The following ATP8A2 variants were observed in gnomAD, a reference collection of about 807,000 sequenced individuals.
The protein encoded by ATP8A2 is phospholipid-transporting ATPase IB.
Under a neutral mutation model 165.6 loss-of-function variants are expected in ATP8A2, and 100 were observed. That is an observed-to-expected ratio of 0.60 (90% CI 0.51 to 0.71). ATP8A2 has a LOEUF of 0.71. ATP8A2 is among the 30% of genes least tolerant of loss of function. The pLI, the probability that ATP8A2 is intolerant of heterozygous loss-of-function variation, is 0.00. For synonymous variants in ATP8A2, 543 were observed against 548.8 expected (o/e 0.99, Z 0.15); for missense variants, 1,227 against 1,479.5 (o/e 0.83, Z 2.80).
At chr13:25,611,835 G>A (rs527472584) in intron 24 of ATP8A2, among the ~76,000 whole-genome samples, 7 of 151,894 alleles carry the variant, frequency 4.6e-5, no homozygotes, top group South Asian at 2.1e-4. Context: ...GTCTTTTCAC[G>A]GTTTCTATTT....
chr13:25,736,704 CTTTA>C (rs747677864), intron 25 of ATP8A2, among the ~76,000 whole-genome samples: 36 of 152,150 alleles, frequency 2.4e-4, no homozygotes, highest in Non-Finnish European at 4.9e-4. Flanking sequence ...TCCAATAAAA[CTTTA>C]TTTAAAGAAA....
intron 27 of ATP8A2, among the ~76,000 whole-genome samples, chr13:25,775,388 T>C (rs1325078663): frequency 6.6e-6 from 1 of 152,204 alleles, no homozygotes; most frequent in Non-Finnish European, 1.5e-5. Flanking sequence ...ATTTCTGCCT[T>C]ATTTCTCACA....
chr13:25,903,431 T>C (rs1953827755), intron 33 of ATP8A2, among the ~76,000 whole-genome samples: 1 of 152,132 alleles, frequency 6.6e-6, no homozygotes, highest in Non-Finnish European at 1.5e-5. Flanking sequence ...CCATCCTCCA[T>C]CCTGTCCCCT....
chr13:25,668,703 C>T (rs1035034761), intron 24 of ATP8A2, among the ~76,000 whole-genome samples: 2 of 152,062 alleles, frequency 1.3e-5, no homozygotes, highest in Admixed American at 6.6e-5. Context: ...CTCTAAGGCT[C>T]TGCTTATTTT....
chr13:25,725,502 G>A (rs1176630093), intron 25 of ATP8A2, among the ~76,000 whole-genome samples: 2 of 152,176 alleles, frequency 1.3e-5, no homozygotes, highest in Admixed American at 1.3e-4. Context: ...CAGCATCAAG[G>A]ACAACAGACA....
intron 24 of ATP8A2, among the ~76,000 whole-genome samples, chr13:25,620,608 T>C (rs2040943203): frequency 1.3e-5 from 2 of 152,192 alleles, no homozygotes; most frequent in Non-Finnish European, 1.5e-5. Context: ...TTTAAAAATA[T>C]TGACTTGAAA....
chr13:25,459,840 T>C (rs1278901614), intron 1 of ATP8A2, among the ~76,000 whole-genome samples: 1 of 151,922 alleles, frequency 6.6e-6, no homozygotes, highest in Non-Finnish European at 1.5e-5. Flanking sequence ...ACTGGGGAGG[T>C]AGGCTGGCTA....
chr13:25,420,792 T>C (rs1243452279), intron 1 of ATP8A2, among the ~76,000 whole-genome samples: 2 of 152,352 alleles, frequency 1.3e-5, no homozygotes, highest in Non-Finnish European at 1.5e-5. Context: ...TAGGAATCGA[T>C]ATCCATGCAG....
At chr13:25,670,474 T>C (rs771782807) in intron 24 of ATP8A2, among the ~76,000 whole-genome samples, 3 of 152,206 alleles carry the variant, frequency 2.0e-5, no homozygotes, top group Non-Finnish European at 4.4e-5. Context: ...CCTGGCACAA[T>C]GCCCTGCTGT....
intron 35 of ATP8A2, among the ~76,000 whole-genome samples, chr13:25,999,418 A>G (rs1353972375): frequency 6.6e-6 from 1 of 152,090 alleles, no homozygotes; most frequent in Non-Finnish European, 1.5e-5. Context: ...CACATCTGAA[A>G]CTGGATTCAT....
intron 24 of ATP8A2, among the ~76,000 whole-genome samples, chr13:25,595,678 A>G (rs1336006672): frequency 2.0e-5 from 3 of 152,262 alleles, no homozygotes; most frequent in African/African-American, 7.2e-5. Flanking sequence ...TTCTGAGAAA[A>G]GGTTATATAT....
intron 24 of ATP8A2, among the ~76,000 whole-genome samples, chr13:25,619,523 G>C (rs933148401): frequency 6.6e-6 from 1 of 152,130 alleles, no homozygotes; most frequent in Admixed American, 6.5e-5. Context: ...AAACAACCAT[G>C]CTATGTTAAA....
intron 35 of ATP8A2, among the ~76,000 whole-genome samples, chr13:26,001,811 T>A (rs1956635733): frequency 6.6e-6 from 1 of 152,170 alleles, no homozygotes; most frequent in Non-Finnish European, 1.5e-5. Flanking sequence ...TTCTCCCATT[T>A]TGTAGTTGTC....
intron 6 of ATP8A2, among the ~76,000 whole-genome samples, chr13:25,537,579 C>A (rs1248146860): frequency 1.3e-5 from 2 of 152,152 alleles, no homozygotes; most frequent in Non-Finnish European, 2.9e-5. Flanking sequence ...TTACACAGCT[C>A]ATCAGGGGTG....
At chr13:25,727,075 C>T (rs1393629122) in intron 25 of ATP8A2, among the ~76,000 whole-genome samples, 2 of 152,062 alleles carry the variant, frequency 1.3e-5, no homozygotes, top group African/African-American at 2.4e-5. Flanking sequence ...CATGCATGCA[C>T]GTGATGTAGA....
chr13:25,555,908 A>T (rs891243322), intron 13 of ATP8A2, among the ~76,000 whole-genome samples: 4 of 131,312 alleles, frequency 3.0e-5, no homozygotes, highest in African/African-American at 5.7e-5. Flanking sequence ...TTCTCTTAAG[A>T]TAATGGCCTC....
chr13:25,414,230 G>A (rs556433042), intron 1 of ATP8A2, among the ~76,000 whole-genome samples: 7 of 140,508 alleles, frequency 5.0e-5, no homozygotes, highest in Non-Finnish European at 9.1e-5. Context: ...TCGCTCTGTC[G>A]CCCAGGCTGG....
chr13:25,810,412 A>G (rs1022919275), intron 27 of ATP8A2, among the ~76,000 whole-genome samples: 5 of 152,186 alleles, frequency 3.3e-5, no homozygotes, highest in South Asian at 2.1e-4. Flanking sequence ...ACTGTCTTTA[A>G]TAAATAGCAC....
At chr13:25,570,219 G>A (rs1478315578) in intron 16 of ATP8A2, among the ~76,000 whole-genome samples, 1 of 152,190 alleles carries the variant, frequency 6.6e-6, no homozygotes, top group Non-Finnish European at 1.5e-5. Context: ...AGATGTCGGG[G>A]TGGGGAATGG....
Sources: gnomAD v4.1 joint callset for allele counts (sites outside exome capture counted in the v4.1 genomes callset) on GRCh38, gnomAD v4.1.1 for gene constraint, MANE v1.5 for transcripts, NCBI Gene and HGNC (gene_info 2026-07-23, HGNC 2026-07-21) for gene names.